KIAA2012: variants seen among roughly 807,000 people sequenced by gnomAD.
KIAA2012 encodes the protein uncharacterized protein KIAA2012.
In KIAA2012, 125 loss-of-function variants were observed where a neutral mutation model predicts 150.6. The ratio of observed to expected loss-of-function variants is 0.83; its 90% CI spans 0.72 to 0.96. The LOEUF is 0.96. Ranked by LOEUF, KIAA2012 falls within the 40% of genes least tolerant of loss-of-function variation. KIAA2012 has a pLI of 0.00. For synonymous variants in KIAA2012, 462 were observed against 504.7 expected, an observed-to-expected ratio of 0.92 and a Z score of 1.13; for missense variants, 1,219 against 1,354.9, an observed-to-expected ratio of 0.90 and a Z score of 1.57.
At chr2:202,182,528 T>C (rs1692142840) in intron 15 of KIAA2012, among the ~76,000 whole-genome samples, 1 of 152,204 alleles carries the variant, frequency 6.6e-6, no homozygotes, top group South Asian at 2.1e-4. Context: ...TGTATTGTAT[T>C]GTATATATAC....
At chr2:202,090,158 G>T (rs1303629943) in intron 2 of KIAA2012, among the ~76,000 whole-genome samples, 1 of 152,214 alleles carries the variant, frequency 6.6e-6, no homozygotes, top group Non-Finnish European at 1.5e-5. Flanking sequence ...TTACAGATGA[G>T]GTGAAAGTTC....
Position 202,193,290 on chromosome 2 carries a change from T to C in KIAA2012, c.2812-11T>C, listed in dbSNP as rs750959344. On this transcript the variant is annotated splice_polypyrimidine_tract_variant and intron_variant, in intron 19 of 23. Transcript: ENST00000498697. ...TCTGTTTATTGCACTGAGAACACTC[T>C]GGTTTCTTAGGCCCTCCTCACTAAG... 1.3e-6 allele frequency: 2 copies of C among 1,548,804 alleles called. No homozygotes were observed. Among genetic ancestry groups the C allele is most frequent in the South Asian group, 1.2e-5 (1 of 83,912 alleles).
At chr2:202,118,910 T>C (rs1690591201) in intron 11 of KIAA2012, among the ~76,000 whole-genome samples, 2 of 152,198 alleles carry the variant, frequency 1.3e-5, no homozygotes, top group South Asian at 4.1e-4. Flanking sequence ...CTCTTGTGAT[T>C]CCTAGAAACA....
chr2:202,195,428 G>A, intron 21 of KIAA2012, among the ~76,000 whole-genome samples: 1 of 151,922 alleles, frequency 6.6e-6, no homozygotes, highest in African/African-American at 2.4e-5. Flanking sequence ...GGCTGAGGCA[G>A]GAGAATCACT....
chr2:202,177,734 C>T (rs1479419668), intron 15 of KIAA2012, among the ~76,000 whole-genome samples: 1 of 152,160 alleles, frequency 6.6e-6, no homozygotes, highest in East Asian at 1.9e-4. Context: ...GGATGGAGCC[C>T]TCCATGACCT....
At chr2:202,201,220 A>G (rs1692516477) in intron 22 of KIAA2012, among the ~76,000 whole-genome samples, 1 of 152,158 alleles carries the variant, frequency 6.6e-6, no homozygotes, top group Non-Finnish European at 1.5e-5. Flanking sequence ...ATGGTTCCTC[A>G]TTAAATGTGA....
chr2:202,081,037 G>T (rs1559196140), intron 2 of KIAA2012, among the ~76,000 whole-genome samples: 1 of 152,080 alleles, frequency 6.6e-6, no homozygotes, highest in Non-Finnish European at 1.5e-5. Context: ...CCATATTTCT[G>T]CTGTCTCTGT....
chr2:202,084,608 G>A (rs942030286), intron 2 of KIAA2012, among the ~76,000 whole-genome samples: 1 of 152,128 alleles, frequency 6.6e-6, no homozygotes, highest in East Asian at 1.9e-4. Context: ...CCAGCCTCCT[G>A]CTGTCATGTT....
rs907369863 is a variant in KIAA2012, at chr2:202,115,466, C to T, written c.1762+2020C>T. On this transcript the variant is annotated intron_variant, in intron 11 of 23. Transcript: ENST00000498697. ...ATATTTAGAATAGCTTTAAGTTCATCTTTTCTGGAACATTTTCCTTAATAA... is the reference window on the plus strand; with the variant it reads ...ATATTTAGAATAGCTTTAAGTTCATTTTTTCTGGAACATTTTCCTTAATAA... The T allele has an allele frequency of 6.6e-5, 10 of 152,266 alleles. No individual in the cohort carries two copies. The East Asian group carries it at 1.9e-3, about 29-fold the overall frequency. 9.4% of individuals were successfully genotyped at this position (152,266 alleles called of 1,614,324 possible).
chr2:202,103,463 A>C lies in KIAA2012; in HGVS notation c.1324+349A>C, dbSNP rs769649173. Among the ~76,000 whole-genome samples, 41 of 152,112 alleles carry C rather than the reference A, an allele frequency of 2.7e-4. 1 individual carries two copies. The highest frequency in any genetic ancestry group is 5.3e-4 in the Non-Finnish European group (36 of 68,034). On this transcript the variant is annotated intron_variant, in intron 8 of 23. Transcript: ENST00000498697. ...AAAAAATAATTGTATAAAACAAGAC[A>C]ACTAAAATTGAAATTGGAAAAAAAA... is the stretch of plus-strand genomic sequence containing the variant.
At chr2:202,170,066 G>T (rs1208781457) in intron 15 of KIAA2012, among the ~76,000 whole-genome samples, 2 of 152,216 alleles carry the variant, frequency 1.3e-5, no homozygotes, top group Non-Finnish European at 2.9e-5. Flanking sequence ...TTCCGGGGAA[G>T]GCTGGTCTGC....
chr2:202,148,934 T>C (rs1287810619), intron 13 of KIAA2012, among the ~76,000 whole-genome samples: 1 of 152,122 alleles, frequency 6.6e-6, no homozygotes, highest in East Asian at 1.9e-4. Context: ...GAGTCCCAGG[T>C]ACGCTCAGCC....
intron 9 of KIAA2012, among the ~76,000 whole-genome samples, chr2:202,107,260 GAATAAACCAAAC>G (rs758842722): frequency 6.5e-4 from 99 of 151,668 alleles, no homozygotes; most frequent in Non-Finnish European, 1.3e-3. Context: ...AAGAATAAAA[GAATAAACCAAAC>G]AATGAACCTA....
chr2:202,113,822 C>T (rs1690445004), intron 11 of KIAA2012: 1 of 180,334 alleles, frequency 5.5e-6, no homozygotes, highest in African/African-American at 2.4e-5. Context: ...ATTGGTAATC[C>T]AATCAGGTAT....
chr2:202,133,124 A>AT (rs1469569064), intron 12 of KIAA2012, among the ~76,000 whole-genome samples: 14 of 71,938 alleles, frequency 1.9e-4, no homozygotes, highest in African/African-American at 7.3e-4. Flanking sequence ...ATATATATAT[A>AT]TATATATTTT....
At chr2:202,181,073 G>A (rs1286969228) in intron 15 of KIAA2012, among the ~76,000 whole-genome samples, 5 of 152,036 alleles carry the variant, frequency 3.3e-5, no homozygotes, top group Non-Finnish European at 7.4e-5. Context: ...AAGCTCAAGC[G>A]ATCCTCCCAC....
chr2:202,100,491 G>A (rs1690015639), intron 7 of KIAA2012, 42 bp downstream of exon 7: 2 of 1,502,718 alleles, frequency 1.3e-6, no homozygotes. Context: ...GAGAGAGAGA[G>A]AGGAGGGAAG....
At chr2:202,100,207 C>A in intron 6 of KIAA2012, 100 bp from the exon 7 acceptor site, 1 of 1,288,196 alleles carries the variant, frequency 7.8e-7, no homozygotes, top group Non-Finnish European at 1.1e-6. Context: ...ACACTGCCTG[C>A]CTTTCTCCCC....
At chr2:202,125,329 G>T in intron 12 of KIAA2012, 47 bp downstream of exon 12, 1 of 1,411,748 alleles carries the variant, frequency 7.1e-7, no homozygotes, top group South Asian at 1.3e-5. Context: ...TATGTAATTT[G>T]ACTCATGATC....
Sources: allele counts gnomAD v4.1 joint callset (sites outside exome capture counted in the v4.1 genomes callset), GRCh38; gene constraint gnomAD v4.1.1; transcripts MANE v1.5; gene names NCBI Gene and HGNC (gene_info 2026-07-23, HGNC 2026-07-21).